The following MCU variants were observed in gnomAD, a reference collection of about 807,000 sequenced individuals.
The protein encoded by MCU is mitochondrial calcium uniporter, also known as calcium uniporter protein, mitochondrial.
Under a neutral mutation model 45.2 loss-of-function variants are expected in MCU, and 12 were observed. The observed-to-expected ratio is 0.27, with a 90% CI of 0.17 to 0.43. The LOEUF (loss-of-function observed/expected upper bound fraction) is 0.43. Among genes scored for constraint, MCU ranks in the 20% least tolerant of loss-of-function variants. MCU has a pLI of 1.00. For synonymous variants in MCU, 160 were observed against 165.1 expected, an observed-to-expected ratio of 0.97 and a Z score of 0.24; for missense variants, 324 against 436.7, an observed-to-expected ratio of 0.74 and a Z score of 2.30.
chr10:72,743,909 C>T (rs1474012726), intron 1 of MCU, among the ~76,000 whole-genome samples: 1 of 152,044 alleles, frequency 6.6e-6, no homozygotes, highest in Non-Finnish European at 1.5e-5. Context: ...GGATACTGTT[C>T]TATAGTATAA....
intron 1 of MCU, among the ~76,000 whole-genome samples, chr10:72,696,206 T>G (rs1370875283): frequency 1.4e-5 from 2 of 146,526 alleles, no homozygotes; most frequent in African/African-American, 5.0e-5. Flanking sequence ...TTTTTTTTTT[T>G]GGTAGAGACA....
chr10:72,755,146 ATT>A (rs11397520), intron 1 of MCU, among the ~76,000 whole-genome samples: 16 of 123,656 alleles, frequency 1.3e-4, no homozygotes, highest in African/African-American at 2.1e-4. Context: ...TGAACCTGAG[ATT>A]TTTTTTTTTT....
At chr10:72,875,342 C>T (rs1355836627) in intron 6 of MCU, among the ~76,000 whole-genome samples, 1 of 152,166 alleles carries the variant, frequency 6.6e-6, no homozygotes, top group Non-Finnish European at 1.5e-5. Context: ...GACTTGAATA[C>T]AGTGTTACCA....
At chr10:72,715,803 T>C (rs1842949346) in intron 1 of MCU, 1 of 901,072 alleles carries the variant, frequency 1.1e-6, no homozygotes. Flanking sequence ...ACACATCCCC[T>C]GTATGTCATA....
chr10:72,764,744 A>C (rs1326477165), intron 1 of MCU, among the ~76,000 whole-genome samples: 1 of 152,154 alleles, frequency 6.6e-6, no homozygotes, highest in Non-Finnish European at 1.5e-5. Flanking sequence ...AGTAACTAAG[A>C]AATGTAATTG....
intron 4 of MCU, among the ~76,000 whole-genome samples, chr10:72,865,758 G>GTTTTGTTTTTTT (rs371539035): frequency 4.0e-5 from 6 of 148,786 alleles, no homozygotes; most frequent in Admixed American, 1.3e-4. Flanking sequence ...AGGCTGTGTG[G>GTTTTGTTTTTTT]TTTTGTTTTT....
Position 72,772,260 on chromosome 10 carries a change from C to G in MCU, c.151-62099C>G, listed in dbSNP as rs531632027. 7.2e-5 allele frequency among the ~76,000 whole-genome samples: 11 copies of G among 152,334 alleles called. 1 individual carries two copies. The South Asian group carries it at 2.3e-3, about 32-fold the overall frequency. On this transcript the variant is annotated intron_variant, in intron 1 of 7. Coordinates refer to ENST00000373053, the MANE Select transcript of MCU (RefSeq NM_138357.3). ...TCCATAAGTCCCATGGGCACAAACT[C>G]CTAGCCAGCCTTGACACACTGCTGG...
intron 1 of MCU, among the ~76,000 whole-genome samples, chr10:72,711,300 G>A (rs554763213): frequency 1.4e-5 from 2 of 147,476 alleles, no homozygotes; most frequent in East Asian, 4.1e-4. Flanking sequence ...GGCTCGCTGC[G>A]ATCTCCACTT....
intron 1 of MCU, among the ~76,000 whole-genome samples, chr10:72,810,284 GA>G (rs1454715315): frequency 6.6e-6 from 1 of 151,914 alleles, no homozygotes; most frequent in African/African-American, 2.4e-5. Flanking sequence ...GTGAATTTCA[GA>G]AATTTCCTAT....
intron 1 of MCU, among the ~76,000 whole-genome samples, chr10:72,702,004 C>T (rs951017554): frequency 2.0e-5 from 3 of 151,986 alleles, no homozygotes; most frequent in African/African-American, 7.2e-5. Context: ...TTTTGGGATA[C>T]TGAGATGGGG....
At chr10:72,825,170 G>A (rs534863987) in intron 1 of MCU, among the ~76,000 whole-genome samples, 5 of 152,054 alleles carry the variant, frequency 3.3e-5, no homozygotes, top group Non-Finnish European at 7.4e-5. Flanking sequence ...GGGCACAATT[G>A]GGTCAGTAGA....
intron 1 of MCU, among the ~76,000 whole-genome samples, chr10:72,791,710 T>C (rs1397255636): frequency 6.6e-6 from 1 of 152,188 alleles, no homozygotes; most frequent in Non-Finnish European, 1.5e-5. Context: ...AATTAGTAAC[T>C]GAGTACAGGT....
chr10:72,882,444 A>T (rs1162211122), intron 6 of MCU, among the ~76,000 whole-genome samples: 1 of 152,224 alleles, frequency 6.6e-6, no homozygotes, highest in Non-Finnish European at 1.5e-5. Flanking sequence ...TTTCTCAGCA[A>T]GGAACATCCC....
intron 1 of MCU, among the ~76,000 whole-genome samples, chr10:72,742,022 C>CAAAAAAAAAAAAAAAAAAAAAAAAAAAA (rs59028044): frequency 1.4e-5 from 1 of 72,888 alleles, no homozygotes. Context: ...GACTCCGTCT[C>CAAAAAAAAAAAAAAAAAAAAAAAAAAAA]AAAAAAAAAA....
chr10:72,766,717 T>C (rs1383107332), intron 1 of MCU: 1 of 152,234 alleles, frequency 6.6e-6, no homozygotes, highest in Non-Finnish European at 1.5e-5. Flanking sequence ...GATCCTGTAT[T>C]TCTGATACTT....
chr10:72,737,672 A>G (rs887745705), intron 1 of MCU, among the ~76,000 whole-genome samples: 9 of 152,002 alleles, frequency 5.9e-5, no homozygotes, highest in African/African-American at 1.7e-4. Flanking sequence ...GGTGCGCACC[A>G]CTATGCCTGG....
At chr10:72,787,321 T>C (rs753289306) in intron 1 of MCU, among the ~76,000 whole-genome samples, 1 of 152,194 alleles carries the variant, frequency 6.6e-6, no homozygotes, top group African/African-American at 2.4e-5. Flanking sequence ...CAGGCTGGAG[T>C]GGAGTGGCGC....
At chr10:72,696,464 A>G (rs992550913) in intron 1 of MCU, among the ~76,000 whole-genome samples, 1 of 152,166 alleles carries the variant, frequency 6.6e-6, no homozygotes, top group Non-Finnish European at 1.5e-5. Context: ...CTAAATGTGT[A>G]GAGAAAAAAA....
At position 72,853,764 on chromosome 10, in the gene MCU, C is replaced by T. The variant is rs563449694; in HGVS notation, c.221-5413C>T. 9.2e-5 allele frequency among the ~76,000 whole-genome samples: 14 copies of T among 152,224 alleles called. No individual in the cohort carries two copies. The South Asian group carries it at 2.5e-3, about 27-fold the overall frequency. ...GGGCATGGTGGCTTACACCTGTGAGCCCAGCATTTTGGGAAGCCGAGGCAG... is the reference window on the plus strand; with the variant it reads ...GGGCATGGTGGCTTACACCTGTGAGTCCAGCATTTTGGGAAGCCGAGGCAG... On this transcript the variant is annotated intron_variant, in intron 2 of 7. Transcript: ENST00000373053.
Sources: allele counts gnomAD v4.1 joint callset (sites outside exome capture counted in the v4.1 genomes callset), GRCh38; gene constraint gnomAD v4.1.1; transcripts MANE v1.5; gene names NCBI Gene and HGNC (gene_info 2026-07-23, HGNC 2026-07-21).